The following GINS4 variants were observed in gnomAD, a reference collection of about 807,000 sequenced individuals.
GINS4 encodes GINS complex subunit 4.
A neutral mutation model predicts 31.1 loss-of-function variants in GINS4; 20 were observed. The ratio of observed to expected loss-of-function variants is 0.64; its 90% CI spans 0.45 to 0.93. GINS4 has a LOEUF of 0.93. GINS4 is among the 40% of genes least tolerant of loss of function. GINS4 has a pLI of 0.00. For synonymous variants in GINS4, 85 were observed against 97.9 expected, an observed-to-expected ratio of 0.87 and a Z score of 0.78; for missense variants, 245 against 273.9, an observed-to-expected ratio of 0.89 and a Z score of 0.75.
chr8:41,541,746 A>C (rs565761441), intron 6 of GINS4, 63 bp from the exon 7 acceptor site: 2 of 1,319,830 alleles, frequency 1.5e-6, no homozygotes, highest in South Asian at 2.5e-5. Flanking sequence ...CTTCCCAGCA[A>C]CTTTTACTTT....
chr8:41,532,704 A>G (rs1806667671), intron 2 of GINS4, among the ~76,000 whole-genome samples: 1 of 151,862 alleles, frequency 6.6e-6, no homozygotes, highest in Non-Finnish European at 1.5e-5. Flanking sequence ...GCTTGTTGGC[A>G]TGCCTGTAAT....
At position 41,540,090 on chromosome 8, in the gene GINS4, T is replaced by C. The variant is rs1281106247; in HGVS notation, c.484+86T>C. The stretch of plus-strand genomic sequence containing the variant: ...CCTCTCTTCACTGTTTTTACCCAAA[T>C]ACAAAAAAGTAAGTATGTAGATAAA... On this transcript the variant is annotated intron_variant, in intron 6 of 7. Transcript: ENST00000276533. 7.4e-6 allele frequency: 7 copies of C among 941,310 alleles called. No homozygotes were observed. The Admixed American group carries it at 1.4e-4, about 19-fold the overall frequency. 58.3% of individuals were successfully genotyped at this position (941,310 alleles called of 1,614,324 possible).
chr8:41,535,252 C>T (rs550911814), intron 2 of GINS4, among the ~76,000 whole-genome samples: 1 of 152,220 alleles, frequency 6.6e-6, no homozygotes, highest in East Asian at 1.9e-4. Flanking sequence ...GCAGGAGAAT[C>T]ACTTGAACCC....
chr8:41,529,751 A>C (rs1806622837), intron 1 of GINS4: 1 of 153,792 alleles, frequency 6.5e-6, no homozygotes, highest in African/African-American at 2.4e-5. Flanking sequence ...AATAATGTTA[A>C]GTGCTTGCTA....
chr8:41,532,054 C>G (rs1411416633), intron 2 of GINS4, among the ~76,000 whole-genome samples: 4 of 152,224 alleles, frequency 2.6e-5, no homozygotes, highest in African/African-American at 4.8e-5. Flanking sequence ...ATCTGCCTGC[C>G]TTAGCCTCCC....
rs201557458 is a variant in GINS4, at chr8:41,539,953, G to T, written c.433G>T (p.Ala145Ser). The change falls in exon 6 of 8, where the codon GCC becomes TCC. Residue 145 changes from alanine to serine, a missense_variant. Coordinates refer to ENST00000276533, the MANE Select transcript of GINS4 (RefSeq NM_032336.3). ...ANTESYLKNV[A>S]LKHMPPNLQK... Reference sequence around the variant, plus strand: ...CACAGAGTCCTATCTGAAAAATGTCGCCTTGAAGCACATGCCCCCTAACTT... The same window carrying T: ...CACAGAGTCCTATCTGAAAAATGTCTCCTTGAAGCACATGCCCCCTAACTT... The T allele has an allele frequency of 3.7e-6, 6 of 1,614,160 alleles. No homozygotes were observed. In the Admixed American group the frequency reaches 6.7e-5, roughly 18 times the overall value.
At chr8:41,541,765 T>A (rs764808238) in intron 6 of GINS4, 44 bp from the exon 7 acceptor site, 81 of 1,518,470 alleles carry the variant, frequency 5.3e-5, no homozygotes, top group Non-Finnish European at 6.7e-5. Flanking sequence ...TTGTTGACTT[T>A]GTTGGCCGAG....
chr8:41,539,335 A>AC (rs1405051441), intron 4 of GINS4, among the ~76,000 whole-genome samples: 94 of 149,954 alleles, frequency 6.3e-4, no homozygotes, highest in South Asian at 8.3e-4. Flanking sequence ...AAAAAAAAAA[A>AC]AAAAAAAACC....
At chr8:41,536,592 AT>A (rs1422106544) in intron 3 of GINS4, 146 bp downstream of exon 3, 1 of 605,480 alleles carries the variant, frequency 1.7e-6, no homozygotes, top group Non-Finnish European at 3.0e-6. Flanking sequence ...TGAATTAGTT[AT>A]CTATGTTTAT....
chr8:41,537,988 T>C (rs1184465354), intron 4 of GINS4: 1 of 146,278 alleles, frequency 6.8e-6, no homozygotes, highest in Non-Finnish European at 1.5e-5. Flanking sequence ...ACCACTGCAC[T>C]CCAGCCTGGG....
intron 6 of GINS4, among the ~76,000 whole-genome samples, chr8:41,540,755 C>T (rs1806826451): frequency 6.6e-6 from 1 of 152,194 alleles, no homozygotes; most frequent in African/African-American, 2.4e-5. Context: ...TCCAGTACAC[C>T]CGAGCCCTGG....
chr8:41,537,846 C>T (rs1806768186), intron 4 of GINS4: 2 of 151,976 alleles, frequency 1.3e-5, no homozygotes, highest in Admixed American at 6.6e-5. Context: ...CAAGGTGAAA[C>T]CCCATTTCTA....
At chr8:41,541,320 A>G (rs13263247) in intron 6 of GINS4, among the ~76,000 whole-genome samples, 27,939 of 152,032 alleles carry the variant, frequency 0.18, 2,902 homozygotes, top group African/African-American at 0.28. Context: ...TTGATCCTCC[A>G]GCCTCAGCCT....
intron 6 of GINS4, chr8:41,540,350 G>A: frequency 3.1e-6 from 1 of 327,156 alleles, no homozygotes; most frequent in South Asian, 2.9e-5. Flanking sequence ...CACCAACATT[G>A]CCCCTGCTTA....
At chr8:41,536,593 T>C (rs1806745056) in intron 3 of GINS4, 147 bp downstream of exon 3, 1 of 605,616 alleles carries the variant, frequency 1.7e-6, no homozygotes, top group Non-Finnish European at 3.0e-6. Flanking sequence ...GAATTAGTTA[T>C]CTATGTTTAT....
In GINS4 at chr8:41,540,807, A is replaced by T. The variant is rs138149024; in HGVS notation, c.484+803A>T. Among the ~76,000 whole-genome samples the T allele has an allele frequency of 1.8e-3, 278 of 152,314 alleles. 5 individuals are homozygous for T. The highest frequency in any genetic ancestry group is 6.2e-3 in the African/African-American group (256 of 41,586). On this transcript the variant is annotated intron_variant, in intron 6 of 7. Transcript: ENST00000276533. ...AGCCTGTGCTGGGGCTGGGGACCAC[A>T]CAGCCACCCCTGCGGTGGTGGAACA...
At chr8:41,529,895 A>G in intron 1 of GINS4, 1 of 254,124 alleles carries the variant, frequency 3.9e-6, no homozygotes, top group South Asian at 5.9e-5. Context: ...CAAGACCTCT[A>G]CTGGGAAGTC....
rs940708454 is a variant in GINS4 at position 41,542,346 on chromosome 8, T to TG, written c.*260dup. The TG allele has an allele frequency of 6.3e-6, 3 of 475,694 alleles. No homozygotes were observed. The highest frequency in any genetic ancestry group is 5.9e-5 in the African/African-American group (3 of 50,482). The allele number at this position is 475,694 out of a possible 1,614,324, so 29.5% of individuals were successfully genotyped here. The stretch of plus-strand genomic sequence containing the variant: ...TTGCAGTGAGCCGAGGTCGTGCCAT[T>TG]GCACTCCAGCCTGGGTGACAGTGAG... On this transcript the variant is annotated 3_prime_UTR_variant, in exon 8 of 8. Transcript: ENST00000276533.
In GINS4 at chr8:41,542,016, GGCT is replaced by G. The variant is rs1238355908; in HGVS notation, c.602_604del (p.Gly201_Ser202delinsAla). 5.6e-6 allele frequency: 9 copies of G among 1,613,978 alleles called. No homozygotes were observed. The highest frequency in any genetic ancestry group is 7.6e-6 in the Non-Finnish European group (9 of 1,180,006). On this transcript the variant is annotated inframe_deletion, in exon 8 of 8. Transcript: ENST00000276533. ...GGACTACGTGATTGACCTGGAGAAG[GGCT>G]CACAGCACTTGATCCGATACAAAAC...
Sources: gnomAD v4.1 joint callset for allele counts (sites outside exome capture counted in the v4.1 genomes callset) on GRCh38, gnomAD v4.1.1 for gene constraint, MANE v1.5 for transcripts, NCBI Gene and HGNC (gene_info 2026-07-23, HGNC 2026-07-21) for gene names.